The following NXN variants were observed in gnomAD, a reference collection of about 807,000 sequenced individuals.
The protein encoded by NXN is nucleoredoxin 1.
Under a neutral mutation model 48.6 loss-of-function variants are expected in NXN, and 16 were observed. The observed-to-expected ratio is 0.33, with a 90% CI of 0.22 to 0.50. NXN has a LOEUF of 0.50. NXN is among the 20% of genes least tolerant of loss of function. NXN has a pLI of 0.98. For missense variants in NXN, 492 were observed against 605.5 expected, an observed-to-expected ratio of 0.81 and a Z score of 1.97; for synonymous variants, 281 against 269.6, an observed-to-expected ratio of 1.04 and a Z score of -0.41.
chr17:878,452 G>A (rs1220263697), intron 1 of NXN, among the ~76,000 whole-genome samples: 35 of 119,394 alleles, frequency 2.9e-4, no homozygotes, highest in Non-Finnish European at 5.5e-4. Flanking sequence ...GTTTGCGGGC[G>A]GGGGTGGGGG....
intron 1 of NXN, among the ~76,000 whole-genome samples, chr17:912,057 C>T (rs1354691489): frequency 6.6e-6 from 1 of 151,890 alleles, no homozygotes; most frequent in Non-Finnish European, 1.5e-5. Flanking sequence ...CCTGCCTCAG[C>T]CTCCCAAGTA....
chr17:965,761 C>T (rs944184861), intron 1 of NXN, among the ~76,000 whole-genome samples: 8 of 152,098 alleles, frequency 5.3e-5, no homozygotes, highest in African/African-American at 1.7e-4. Flanking sequence ...GCTTTGATGA[C>T]TGTAGGTGAT....
At chr17:819,273 T>C in intron 5 of NXN, 166 bp downstream of exon 5, 1 of 671,384 alleles carries the variant, frequency 1.5e-6, no homozygotes, top group Non-Finnish European at 2.7e-6. Flanking sequence ...TAAAAATGGC[T>C]TAGAATTCAC....
chr17:812,464 C>G (rs1340517650), intron 5 of NXN, among the ~76,000 whole-genome samples: 1 of 152,152 alleles, frequency 6.6e-6, no homozygotes, highest in Non-Finnish European at 1.5e-5. Context: ...CCCCAGGGCA[C>G]AGACAGACTC....
chr17:889,663 C>T lies in NXN; in HGVS notation c.361-63585G>A, dbSNP rs527535020. 1.9e-4 allele frequency among the ~76,000 whole-genome samples: 25 copies of T among 133,412 alleles called. No homozygotes were observed. In the East Asian group the frequency reaches 4.7e-3, roughly 25 times the overall value. 87.5% of individuals were successfully genotyped at this position (133,412 alleles called of 152,430 possible). A position where few individuals can be genotyped will look rare whatever the true frequency, so the allele number is the denominator to read the frequency against. ...TTGCACTACAGCCTGAGCAACAGAG[C>T]GAGACTGTGAAAGAAAAGAAAAGAA... is the stretch of plus-strand genomic sequence containing the variant. On this transcript the variant is annotated intron_variant, in intron 1 of 7. Coordinates refer to ENST00000336868, the MANE Select transcript of NXN (RefSeq NM_022463.5).
chr17:967,216 C>T (rs547266919), intron 1 of NXN, among the ~76,000 whole-genome samples: 2 of 152,274 alleles, frequency 1.3e-5, no homozygotes, highest in East Asian at 1.9e-4. Context: ...TTACACATCC[C>T]GGCCACAGTG....
intron 1 of NXN, among the ~76,000 whole-genome samples, chr17:933,843 C>A (rs546815532): frequency 2.0e-5 from 3 of 152,228 alleles, no homozygotes; most frequent in African/African-American, 7.2e-5. Context: ...AAAGCCTCCA[C>A]AAATACCAGA....
At chr17:865,214 G>A (rs1171476837) in intron 1 of NXN, among the ~76,000 whole-genome samples, 1 of 150,996 alleles carries the variant, frequency 6.6e-6, no homozygotes, top group Non-Finnish European at 1.5e-5. Context: ...GGAAACTATT[G>A]GTATTACAGG....
At chr17:904,214 G>A (rs1480767967) in intron 1 of NXN, among the ~76,000 whole-genome samples, 6 of 152,194 alleles carry the variant, frequency 3.9e-5, no homozygotes, top group African/African-American at 1.4e-4. Flanking sequence ...GGGAAGGGCT[G>A]GCCGAGCGGA....
intron 1 of NXN, among the ~76,000 whole-genome samples, chr17:829,389 A>C (rs1164521238): frequency 6.6e-6 from 1 of 151,372 alleles, no homozygotes; most frequent in African/African-American, 2.4e-5. Flanking sequence ...TCCTGACCTC[A>C]GGTGATCCGC....
intron 1 of NXN, among the ~76,000 whole-genome samples, chr17:924,300 G>A (rs1016210831): frequency 2.8e-4 from 43 of 152,218 alleles, no homozygotes; most frequent in African/African-American, 9.9e-4. Context: ...GCAATGGCGC[G>A]ATCTCGGCTC....
intron 1 of NXN, among the ~76,000 whole-genome samples, chr17:947,808 C>T (rs9915563): frequency 2.8e-5 from 4 of 144,510 alleles, no homozygotes; most frequent in South Asian, 2.2e-4. Context: ...GAGGCCGAGG[C>T]GAGCTGACTG....
At chr17:870,512 G>A (rs1403785149) in intron 1 of NXN, among the ~76,000 whole-genome samples, 2 of 152,146 alleles carry the variant, frequency 1.3e-5, no homozygotes, top group Admixed American at 6.6e-5. Context: ...GGAGGCCAAG[G>A]AGGGAGGATT....
intron 1 of NXN, among the ~76,000 whole-genome samples, chr17:847,810 T>C (rs2067881002): frequency 6.6e-6 from 1 of 152,088 alleles, no homozygotes; most frequent in Admixed American, 6.6e-5. Context: ...AAGATGAAAT[T>C]CAAGACAGAT....
Position 819,549 on chromosome 17 carries a change from C to T in NXN, c.714-4G>A, listed in dbSNP as rs777425677. Reference sequence around the variant, plus strand: ...CTGTTTGAAGGACTCCTCCGACCTACAGAGAGACACACGTGGCGGGCAAGG... The same window carrying T: ...CTGTTTGAAGGACTCCTCCGACCTATAGAGAGACACACGTGGCGGGCAAGG... On this transcript the variant is annotated splice_region_variant and splice_polypyrimidine_tract_variant and intron_variant, in intron 4 of 7. Transcript: ENST00000336868. 15 of 1,582,620 alleles carry T rather than the reference C, an allele frequency of 9.5e-6. No individual in the cohort carries two copies. The Admixed American group carries it at 2.3e-4, about 24-fold the overall frequency.
rs904159708 is a variant in NXN, at chr17:825,300, T to C, written c.478+661A>G. 1.3e-5 allele frequency among the ~76,000 whole-genome samples: 2 copies of C among 151,480 alleles called. No homozygotes were observed. The highest frequency in any genetic ancestry group is 2.9e-5 in the Non-Finnish European group (2 of 67,962). On this transcript the variant is annotated intron_variant, in intron 2 of 7. Coordinates refer to ENST00000336868, the MANE Select transcript of NXN (RefSeq NM_022463.5). This position sits in a 1 kb window ranked among gnomAD's most constrained non-coding sequence, Gnocchi z 4.1. ...TTTTACTGAGGACAATTCTTTGAAG[T>C]AGGTGGCATTTTTACTGGGAAAATG... is the stretch of plus-strand genomic sequence containing the variant.
chr17:973,517 C>T (rs1379611710), intron 1 of NXN, among the ~76,000 whole-genome samples: 1 of 152,144 alleles, frequency 6.6e-6, no homozygotes, highest in Non-Finnish European at 1.5e-5. Flanking sequence ...AAATCTTTCC[C>T]AGGCTTCGTC....
chr17:872,215 G>C (rs1333073544), intron 1 of NXN, among the ~76,000 whole-genome samples: 1 of 149,988 alleles, frequency 6.7e-6, no homozygotes, highest in African/African-American at 2.5e-5. Context: ...GGAGAGAGGG[G>C]GAGAGAGGGA....
intron 1 of NXN, among the ~76,000 whole-genome samples, chr17:892,032 T>G (rs529499132): frequency 2.1e-4 from 31 of 148,762 alleles, no homozygotes; most frequent in African/African-American, 7.3e-4. Flanking sequence ...AACCCCACCA[T>G]GCACAACCCA....
Sources: gnomAD v4.1 joint callset for allele counts (sites outside exome capture counted in the v4.1 genomes callset) on GRCh38, gnomAD v4.1.1 for gene constraint, Gnocchi (gnomAD v3.1) non-coding constraint, MANE v1.5 for transcripts, NCBI Gene and HGNC (gene_info 2026-07-23, HGNC 2026-07-21) for gene names.